HTR2A: variants seen among roughly 807,000 people sequenced by gnomAD.
The protein encoded by HTR2A is 5-hydroxytryptamine receptor 2A.
HTR2A carries 14 observed loss-of-function variants against 31.0 expected under a neutral mutation model. The observed-to-expected ratio is 0.45, with a 90% CI of 0.30 to 0.71. The LOEUF is 0.71. Ranked by LOEUF, HTR2A falls within the 30% of genes least tolerant of loss-of-function variation. HTR2A has a pLI of 0.09. For synonymous variants in HTR2A, 209 were observed against 225.2 expected (o/e 0.93, Z 0.64); for missense variants, 442 against 573.3 (o/e 0.77, Z 2.34).
rs112866444 is a variant in HTR2A, at chr13:46,848,862, A to G, written c.614-13223T>C. 2.7e-3 allele frequency among the ~76,000 whole-genome samples: 414 copies of G among 152,292 alleles called. 2 individuals are homozygous for G. Among genetic ancestry groups the G allele is most frequent in the African/African-American group, 9.4e-3 (389 of 41,550 alleles). On this transcript the variant is annotated intron_variant, in intron 3 of 3. Coordinates refer to ENST00000542664, the MANE Select transcript of HTR2A (RefSeq NM_000621.5). ...GGATTAAGAGTGTTTACTCGTAAAGAACTTTGAGATGCATATGGAAATTAC... is the reference window on the plus strand; with the variant it reads ...GGATTAAGAGTGTTTACTCGTAAAGGACTTTGAGATGCATATGGAAATTAC...
At chr13:46,865,204 GCTT>G (rs1446614040) in intron 3 of HTR2A, among the ~76,000 whole-genome samples, 2 of 152,100 alleles carry the variant, frequency 1.3e-5, no homozygotes, top group Non-Finnish European at 2.9e-5. Flanking sequence ...ATGGTCTGCA[GCTT>G]TAATTTAAAT....
intron 3 of HTR2A, among the ~76,000 whole-genome samples, chr13:46,884,820 A>G (rs76115403): frequency 8.4e-6 from 1 of 119,266 alleles, no homozygotes; most frequent in Non-Finnish European, 1.6e-5. Flanking sequence ...TTGTGTGTGT[A>G]TGTATACATA....
chr13:46,855,542 A>C (rs139279851), intron 3 of HTR2A, among the ~76,000 whole-genome samples: 2,040 of 152,034 alleles, frequency 0.013, 30 homozygotes, highest in South Asian at 0.057. Context: ...TGCTTTTCTC[A>C]TTGGCTTTCC....
intron 3 of HTR2A, among the ~76,000 whole-genome samples, chr13:46,857,135 A>G (rs1950744138): frequency 6.6e-6 from 1 of 152,050 alleles, no homozygotes; most frequent in Non-Finnish European, 1.5e-5. Context: ...TCCTGTCTCT[A>G]CTAAAAACAC....
chr13:46,847,166 C>T (rs1448435582), intron 3 of HTR2A, among the ~76,000 whole-genome samples: 1 of 152,196 alleles, frequency 6.6e-6, no homozygotes, highest in Non-Finnish European at 1.5e-5. Context: ...GGCAGGCACC[C>T]ACTTCACTTG....
At position 46,895,497 on chromosome 13, in the gene HTR2A, T is replaced by A; in HGVS notation, c.410A>T (p.Tyr137Phe). 1.2e-6 allele frequency: 2 copies of A among 1,613,568 alleles called. No homozygotes were observed. Among genetic ancestry groups the A allele is most frequent in the Non-Finnish European group, 1.7e-6 (2 of 1,179,676 alleles). The part of the protein sequence containing the change: ...VMPVSMLTIL[Y>F]GYRWPLPSKL... ...GCTGGGAAACTAATGCCACTCACCA[T>A]ACAGGATGGTTAACATGGACACGGG... Residue 137 changes from tyrosine to phenylalanine, a missense_variant and splice_region_variant, in exon 2 of 4, where the codon TAT (tyrosine) becomes TTT (phenylalanine). Coordinates refer to ENST00000542664, the MANE Select transcript of HTR2A (RefSeq NM_000621.5). The surrounding 1 kb of genome is among the most constrained non-coding windows in gnomAD (Gnocchi z 4.4).
At chr13:46,843,043 A>G (rs1431861264) in intron 3 of HTR2A, among the ~76,000 whole-genome samples, 1 of 152,204 alleles carries the variant, frequency 6.6e-6, no homozygotes, top group Non-Finnish European at 1.5e-5. Flanking sequence ...CTGGGATGTA[A>G]GCCATCCCTT....
At chr13:46,866,653 C>T (rs1229062124) in intron 3 of HTR2A, among the ~76,000 whole-genome samples, 2 of 152,324 alleles carry the variant, frequency 1.3e-5, no homozygotes, top group East Asian at 1.9e-4. Flanking sequence ...AGACTAAAAA[C>T]TTCTACCCTC....
intron 3 of HTR2A, among the ~76,000 whole-genome samples, chr13:46,889,705 T>G (rs1021693868): frequency 6.6e-6 from 1 of 152,172 alleles, no homozygotes; most frequent in Non-Finnish European, 1.5e-5. Context: ...ATTTTAAAAT[T>G]CCAGCTAGAC....
intron 3 of HTR2A, among the ~76,000 whole-genome samples, chr13:46,880,883 A>G (rs1030658576): frequency 5.3e-5 from 8 of 152,074 alleles, no homozygotes; most frequent in Non-Finnish European, 1.5e-5. Flanking sequence ...CTTTCTTATG[A>G]CCTGATCGTT....
chr13:46,867,178 T>C (rs780985095), intron 3 of HTR2A, among the ~76,000 whole-genome samples: 5 of 152,166 alleles, frequency 3.3e-5, no homozygotes, highest in African/African-American at 7.2e-5. Flanking sequence ...CAAGTACCTA[T>C]CTGTGAAGAA....
At chr13:46,875,038 AAAAT>A (rs1253215847) in intron 3 of HTR2A, among the ~76,000 whole-genome samples, 1 of 152,234 alleles carries the variant, frequency 6.6e-6, no homozygotes, top group African/African-American at 2.4e-5. Flanking sequence ...GTCTATTAGA[AAAAT>A]AAAGAACACC....
At chr13:46,884,951 TA>T (rs1034169760) in intron 3 of HTR2A, among the ~76,000 whole-genome samples, 1 of 152,126 alleles carries the variant, frequency 6.6e-6, no homozygotes, top group African/African-American at 2.4e-5. Flanking sequence ...TTCCTTCACT[TA>T]AATATCAAAT....
At chr13:46,885,120 C>T (rs1950996585) in intron 3 of HTR2A, among the ~76,000 whole-genome samples, 2 of 152,116 alleles carry the variant, frequency 1.3e-5, no homozygotes, top group South Asian at 4.2e-4. Flanking sequence ...AAGAGATTAG[C>T]AGCAGTAAGA....
chr13:46,858,100 A>G (rs1950752915), intron 3 of HTR2A, among the ~76,000 whole-genome samples: 1 of 152,094 alleles, frequency 6.6e-6, no homozygotes, highest in South Asian at 2.1e-4. Context: ...GTGGAGGTGC[A>G]AGTAAGAAAA....
At chr13:46,858,631 T>G (rs1950757187) in intron 3 of HTR2A, among the ~76,000 whole-genome samples, 1 of 151,964 alleles carries the variant, frequency 6.6e-6, no homozygotes, top group African/African-American at 2.4e-5. Flanking sequence ...TCAGACCAGT[T>G]AAAATAATCT....
At chr13:46,894,272 G>T (rs918018561) in intron 2 of HTR2A, among the ~76,000 whole-genome samples, 1 of 152,132 alleles carries the variant, frequency 6.6e-6, no homozygotes. Context: ...AGCGGGTGAC[G>T]CCGGGGGTCA....
chr13:46,841,220 A>G (rs188096694), intron 3 of HTR2A, among the ~76,000 whole-genome samples: 9 of 152,238 alleles, frequency 5.9e-5, no homozygotes, highest in African/African-American at 2.2e-4. Flanking sequence ...GCATTTCTTT[A>G]TAGCAGTGTG....
At chr13:46,850,076 T>C (rs1593429110) in intron 3 of HTR2A, among the ~76,000 whole-genome samples, 1 of 152,162 alleles carries the variant, frequency 6.6e-6, no homozygotes, top group Non-Finnish European at 1.5e-5. Flanking sequence ...TATAGATCAT[T>C]TGGGGGCTAA....
Sources: allele counts gnomAD v4.1 joint callset (sites outside exome capture counted in the v4.1 genomes callset), GRCh38; gene constraint gnomAD v4.1.1; non-coding constraint Gnocchi (gnomAD v3.1); transcripts MANE v1.5; gene names NCBI Gene and HGNC (gene_info 2026-07-23, HGNC 2026-07-21).